TENM3: variants seen among roughly 807,000 people sequenced by gnomAD.
TENM3 encodes teneurin-3.
A neutral mutation model predicts 255.1 loss-of-function variants in TENM3; 63 were observed. That is an observed-to-expected ratio of 0.25 (90% confidence interval 0.20 to 0.30). The LOEUF (loss-of-function observed/expected upper bound fraction) is 0.30, where lower values mean the gene tolerates loss of function less well. TENM3 is among the 10% of genes least tolerant of loss of function. The pLI is 1.00. For synonymous variants in TENM3, 1,306 were observed against 1,322.3 expected (o/e 0.99, Z 0.27); for missense variants, 2,929 against 3,461.1 (o/e 0.85, Z 3.86).
At chr4:181,662,929 T>G in the TENM3 span, among the ~76,000 whole-genome samples, 1 of 152,026 alleles carries the variant, frequency 6.6e-6, no homozygotes, top group Admixed American at 6.6e-5. Context: ...ATAGACCAAT[T>G]AAAGATAAAA....
chr4:182,723,308 A>G (rs534580532), intron 13 of TENM3, among the ~76,000 whole-genome samples: 16 of 152,244 alleles, frequency 1.1e-4, no homozygotes, highest in Admixed American at 2.0e-4. Flanking sequence ...GAATGTGACT[A>G]AAAAGAATAA....
chr4:182,671,579 C>T (rs559844039), intron 6 of TENM3, among the ~76,000 whole-genome samples: 2 of 152,304 alleles, frequency 1.3e-5, no homozygotes, highest in African/African-American at 4.8e-5. Context: ...GGTGTTGTCT[C>T]CCCACCCAGG....
chr4:181,932,279 G>T, the TENM3 span, among the ~76,000 whole-genome samples: 16 of 151,974 alleles, frequency 1.1e-4, no homozygotes, highest in East Asian at 3.1e-3. Context: ...TCTGACAAAG[G>T]GCTAATATCC....
chr4:181,899,428 A>G, the TENM3 span, among the ~76,000 whole-genome samples: 1 of 152,202 alleles, frequency 6.6e-6, no homozygotes, highest in Non-Finnish European at 1.5e-5. Flanking sequence ...AAAGAAAAAT[A>G]CTTGATACGG....
intron 3 of TENM3, among the ~76,000 whole-genome samples, chr4:182,596,679 C>T (rs1051148077): frequency 1.2e-4 from 18 of 152,198 alleles, no homozygotes; most frequent in African/African-American, 1.9e-4. Context: ...AGAGGACACA[C>T]GAGGGAGAGC....
intron 3 of TENM3, among the ~76,000 whole-genome samples, chr4:182,545,302 G>T (rs1230893620): frequency 1.3e-5 from 2 of 151,958 alleles, no homozygotes; most frequent in Non-Finnish European, 2.9e-5. Flanking sequence ...GTATATTTTT[G>T]GATAGGTGAT....
the TENM3 span, among the ~76,000 whole-genome samples, chr4:181,511,315 A>T: frequency 0.091 from 13,815 of 152,236 alleles, 732 homozygotes; most frequent in Non-Finnish European, 0.11. Flanking sequence ...ATAGGCAGAC[A>T]TTTGGAATCT....
chr4:182,387,864 T>C (rs962137064), intron 3 of TENM3, among the ~76,000 whole-genome samples: 1 of 151,800 alleles, frequency 6.6e-6, no homozygotes, highest in African/African-American at 2.4e-5. Flanking sequence ...AGCTTCATTC[T>C]TGAAGTCAGT....
At chr4:181,496,645 C>T in the TENM3 span, among the ~76,000 whole-genome samples, 228 of 152,230 alleles carry the variant, frequency 1.5e-3, 1 homozygote, top group African/African-American at 1.3e-3. Flanking sequence ...TCGTTAGCAT[C>T]GATTTACTAT....
At chr4:182,356,001 A>C (rs1322993661) in intron 3 of TENM3, among the ~76,000 whole-genome samples, 2 of 151,798 alleles carry the variant, frequency 1.3e-5, no homozygotes, top group Admixed American at 1.3e-4. Flanking sequence ...ACAGGGCAGA[A>C]TTAAACCTCT....
the TENM3 span, among the ~76,000 whole-genome samples, chr4:181,959,572 C>T: frequency 6.6e-6 from 1 of 152,090 alleles, no homozygotes; most frequent in African/African-American, 2.4e-5. Flanking sequence ...CAAAGGGTAG[C>T]CAGCTTGGTT....
the TENM3 span, among the ~76,000 whole-genome samples, chr4:181,516,509 G>T: frequency 1.3e-5 from 2 of 151,992 alleles, no homozygotes; most frequent in Non-Finnish European, 2.9e-5. Context: ...GGGTGGGCGC[G>T]GTGGCTCACA....
chr4:182,249,186 G>A (rs890038138), intron 1 of TENM3, among the ~76,000 whole-genome samples: 1 of 152,228 alleles, frequency 6.6e-6, no homozygotes, highest in African/African-American at 2.4e-5. Flanking sequence ...GGAAATGGGA[G>A]TCATGTGGTC....
the TENM3 span, among the ~76,000 whole-genome samples, chr4:181,670,287 C>T: frequency 3.3e-5 from 5 of 152,038 alleles, no homozygotes; most frequent in South Asian, 1.0e-3. Context: ...TCCCTTAGTC[C>T]CATTGTGGTA....
At chr4:181,611,512 C>G in the TENM3 span, among the ~76,000 whole-genome samples, 2 of 152,056 alleles carry the variant, frequency 1.3e-5, no homozygotes, top group South Asian at 2.1e-4. Flanking sequence ...ATTTTTTAGT[C>G]TATTCAAGAT....
At chr4:181,670,882 C>T in the TENM3 span, among the ~76,000 whole-genome samples, 2 of 152,120 alleles carry the variant, frequency 1.3e-5, no homozygotes, top group Admixed American at 6.6e-5. Flanking sequence ...ATCTAAACAG[C>T]AGAAAAAAGC....
At chr4:181,738,160 G>T in the TENM3 span, among the ~76,000 whole-genome samples, 1 of 152,146 alleles carries the variant, frequency 6.6e-6, no homozygotes, top group East Asian at 1.9e-4. Context: ...CATACTGCAC[G>T]AGCTATATAC....
In TENM3 at chr4:182,751,989, G is replaced by A. The variant is rs981546522; in HGVS notation, c.3819G>A (p.Gly1273=). The A allele has an allele frequency of 1.1e-5, 18 of 1,613,202 alleles. No individual in the cohort carries two copies. The highest frequency in any genetic ancestry group is 1.4e-5 in the Non-Finnish European group (16 of 1,179,630). Residue 1273 remains glycine (G), a synonymous_variant, in exon 20 of 28, where the codon GGG becomes GGA. Coordinates refer to ENST00000511685, the MANE Select transcript of TENM3 (RefSeq NM_001080477.4). ...QCLPFDEARC[G]DGGKAVEATL... is the part of the protein sequence containing the mutation. ...TTCCGTTTGACGAGGCGAGATGTGG[G>A]GATGGAGGGAAGGCCGTGGAAGCCA...
chr4:181,697,695 T>G, the TENM3 span, among the ~76,000 whole-genome samples: 1 of 152,044 alleles, frequency 6.6e-6, no homozygotes, highest in Non-Finnish European at 1.5e-5. Context: ...TCCAGCCCAT[T>G]TCCTAGCTTT....
Sources: gnomAD v4.1 joint callset for allele counts (sites outside exome capture counted in the v4.1 genomes callset) on GRCh38, gnomAD v4.1.1 for gene constraint, MANE v1.5 for transcripts, NCBI Gene and HGNC (gene_info 2026-07-23, HGNC 2026-07-21) for gene names.